The following TENT4B variants were observed in gnomAD, a reference collection of about 807,000 sequenced individuals.
TENT4B encodes the protein PAP associated domain containing 5.
Under a neutral mutation model 75.0 loss-of-function variants are expected in TENT4B, and 10 were observed. The observed-to-expected ratio is 0.13, with a 90% confidence interval of 0.08 to 0.23. The LOEUF is 0.23. Ranked by LOEUF, TENT4B falls within the 10% of genes least tolerant of loss-of-function variation. TENT4B has a pLI of 1.00. For missense variants in TENT4B, 579 were observed against 893.8 expected (o/e 0.65, Z 4.49); for synonymous variants, 350 against 357.7 (o/e 0.98, Z 0.24).
At chr16:50,170,847 A>G (rs2038193064) in intron 1 of TENT4B, among the ~76,000 whole-genome samples, 2 of 151,868 alleles carry the variant, frequency 1.3e-5, no homozygotes, top group South Asian at 4.2e-4. Flanking sequence ...TTGTATTTTT[A>G]GTAGAGATGG....
intron 7 of TENT4B, 62 bp from the exon 8 acceptor site, chr16:50,224,595 T>C: frequency 6.3e-7 from 1 of 1,597,132 alleles, no homozygotes; most frequent in Non-Finnish European, 8.5e-7. Context: ...AAGAGAGTCA[T>C]CAACATTTAG....
Position 50,183,954 on chromosome 16 carries a change from A to G in TENT4B, c.639-27369A>G, listed in dbSNP as rs537081381. Among the ~76,000 whole-genome samples, 4 of 152,292 alleles carry G rather than the reference A, an allele frequency of 2.6e-5. No homozygotes were observed. In the South Asian group the frequency reaches 8.3e-4, roughly 32 times the overall value. ...GGTGAATTATATCTTTTATGTTTTA[A>G]TGTATTCCTAGAGTTGTGCAACCAT... On this transcript the variant is annotated intron_variant, in intron 1 of 11. Transcript: ENST00000561678.
intron 1 of TENT4B, among the ~76,000 whole-genome samples, chr16:50,157,975 A>G (rs1376515931): frequency 2.0e-5 from 3 of 150,970 alleles, no homozygotes; most frequent in African/African-American, 7.3e-5. Flanking sequence ...CATGTTGCCC[A>G]TGAAGGTCTC....
intron 1 of TENT4B, among the ~76,000 whole-genome samples, chr16:50,171,579 AAGGCATATACG>A (rs943251646): frequency 4.3e-4 from 9 of 20,898 alleles, no homozygotes; most frequent in African/African-American, 5.7e-4. Flanking sequence ...TTTCTTGCCC[AAGGCATATACG>A]GTTGATATTT....
At chr16:50,197,846 A>G (rs1416923722) in intron 1 of TENT4B, among the ~76,000 whole-genome samples, 1 of 152,178 alleles carries the variant, frequency 6.6e-6, no homozygotes, top group African/African-American at 2.4e-5. Context: ...GCACAAGAGC[A>G]GGTTATAGTC....
At chr16:50,196,515 C>CATG (rs1240701384) in intron 1 of TENT4B, among the ~76,000 whole-genome samples, 1 of 151,956 alleles carries the variant, frequency 6.6e-6, no homozygotes, top group Non-Finnish European at 1.5e-5. Context: ...TCATCATCAT[C>CATG]ATCATCATCA....
At position 50,231,835 on chromosome 16, in the gene TENT4B, T is replaced by G; in HGVS notation, c.*2507T>G. 1.0e-6 allele frequency: 1 copy of G among 984,908 alleles called. No individual in the cohort carries two copies. The highest frequency in any genetic ancestry group is 1.7e-5 in the African/African-American group (1 of 57,358). The allele number at this position is 984,908 out of a possible 1,614,324, so 61.0% of individuals were successfully genotyped here. ...AAAATACTTTCAAGAACTTTTAGTTTGCCTGCTCATTTGTTTTATACATTT... is the reference window on the plus strand; with the variant it reads ...AAAATACTTTCAAGAACTTTTAGTTGGCCTGCTCATTTGTTTTATACATTT... On this transcript the variant is annotated 3_prime_UTR_variant, in exon 12 of 12. Coordinates refer to ENST00000561678, the MANE Select transcript of TENT4B (RefSeq NM_001365324.3).
chr16:50,153,001 C>T (rs2037787848), upstream of TENT4B: 5 of 1,516,284 alleles, frequency 3.3e-6, no homozygotes, highest in Non-Finnish European at 3.5e-6. Flanking sequence ...GCGGAGAAGC[C>T]GCGCGCGCCT....
At chr16:50,157,049 C>G (rs568356557) in intron 1 of TENT4B, among the ~76,000 whole-genome samples, 6 of 152,276 alleles carry the variant, frequency 3.9e-5, no homozygotes, top group African/African-American at 1.4e-4. Flanking sequence ...CGATGTTATG[C>G]TGTTCTGAGA....
chr16:50,215,217 A>G (rs976783436), intron 3 of TENT4B, among the ~76,000 whole-genome samples: 1 of 152,164 alleles, frequency 6.6e-6, no homozygotes, highest in African/African-American at 2.4e-5. Context: ...CATGGTTATT[A>G]TTATTATTAC....
At chr16:50,224,814 G>A (rs192872883) in intron 8 of TENT4B, 31 bp downstream of exon 8, 12 of 1,612,986 alleles carry the variant, frequency 7.4e-6, no homozygotes, top group Non-Finnish European at 9.3e-6. Context: ...AGCCCATTGT[G>A]TCAAAATTAG....
chr16:50,155,677 C>T (rs532892108), intron 1 of TENT4B, among the ~76,000 whole-genome samples: 5 of 152,266 alleles, frequency 3.3e-5, no homozygotes, highest in African/African-American at 1.2e-4. Context: ...AGGGTTGAGT[C>T]CTCTGTTGCT....
In TENT4B at chr16:50,153,538, G is replaced by A. The variant is rs1426163144; in HGVS notation, c.-84G>A. On this transcript the variant is annotated 5_prime_UTR_variant, in exon 1 of 12. Coordinates refer to ENST00000561678, the MANE Select transcript of TENT4B (RefSeq NM_001365324.3). ...AGCAGCGGCAGCAGCAGCAGCAGCCGAGGCCGGGCGTGCGCCTGAGGCGGC... is the reference window on the plus strand; with the variant it reads ...AGCAGCGGCAGCAGCAGCAGCAGCCAAGGCCGGGCGTGCGCCTGAGGCGGC... The A allele has an allele frequency of 3.0e-5, 29 of 978,850 alleles. No homozygotes were observed. The highest frequency in any genetic ancestry group is 3.0e-5 in the Non-Finnish European group (25 of 827,434). The allele number at this position is 978,850 out of a possible 1,614,324, so 60.6% of individuals were successfully genotyped here. A position where few individuals can be genotyped will look rare whatever the true frequency, so the allele number is the denominator to read the frequency against.
rs545897767 is a variant in TENT4B at position 50,234,175 on chromosome 16, C to G, written c.*4847C>G. The G allele has an allele frequency of 1.0e-6, 1 of 985,426 alleles. No homozygotes were observed. 61.0% of individuals were successfully genotyped at this position (985,426 alleles called of 1,614,324 possible). A position where few individuals can be genotyped will look rare whatever the true frequency, so the allele number is the denominator to read the frequency against. On this transcript the variant is annotated 3_prime_UTR_variant, in exon 12 of 12. Transcript: ENST00000561678. ...TATGAAGTAAACAAGTTGCTCAGGC[C>G]GGGCATGGTGGCTCACGCCTGTAAT... is the stretch of plus-strand genomic sequence containing the variant.
At position 50,183,372 on chromosome 16, in the gene TENT4B, G is replaced by A. The variant is rs529435369; in HGVS notation, c.639-27951G>A. ...TTCTTGTATTTTATCTTGCTGTAGC[G>A]GTTGTGGGATTTTTGCCTGGTGTGT... is the stretch of plus-strand genomic sequence containing the variant. On this transcript the variant is annotated intron_variant, in intron 1 of 11. Transcript: ENST00000561678. 8.6e-5 allele frequency among the ~76,000 whole-genome samples: 13 copies of A among 152,006 alleles called. No individual in the cohort carries two copies. The East Asian group carries it at 1.6e-3, about 18-fold the overall frequency.
chr16:50,203,042 A>G (rs1367449205), intron 1 of TENT4B, among the ~76,000 whole-genome samples: 2 of 152,202 alleles, frequency 1.3e-5, no homozygotes, highest in Non-Finnish European at 2.9e-5. Flanking sequence ...GTAATTTAGG[A>G]CACATAGACG....
chr16:50,214,050 G>GAA (rs1183928852), intron 2 of TENT4B, among the ~76,000 whole-genome samples, 171 bp from the exon 3 acceptor site: 1 of 152,118 alleles, frequency 6.6e-6, no homozygotes, highest in African/African-American at 2.4e-5. Flanking sequence ...GTCTGCTTGT[G>GAA]AAACAGAATC....
At chr16:50,216,054 G>C (rs748716228) in intron 3 of TENT4B, 21 bp from the exon 4 acceptor site, 1 of 1,613,666 alleles carries the variant, frequency 6.2e-7, no homozygotes, top group South Asian at 1.1e-5. Flanking sequence ...CGACCCTCTT[G>C]TATATGTATT....
At position 50,231,640 on chromosome 16, in the gene TENT4B, C is replaced by A; in HGVS notation, c.*2312C>A. The stretch of plus-strand genomic sequence containing the variant: ...TAAATTTATTGGGAAAATAGTTTTT[C>A]CTGTACTGCTGAAGTTTCTTTTTGG... On this transcript the variant is annotated 3_prime_UTR_variant, in exon 12 of 12. Transcript: ENST00000561678. The A allele has an allele frequency of 1.0e-6, 1 of 985,740 alleles. No individual in the cohort carries two copies. The highest frequency in any genetic ancestry group is 1.2e-6 in the Non-Finnish European group (1 of 829,890). The allele number at this position is 985,740 out of a possible 1,614,324, so 61.1% of individuals were successfully genotyped here.
Sources: allele counts gnomAD v4.1 joint callset (sites outside exome capture counted in the v4.1 genomes callset), GRCh38; gene constraint gnomAD v4.1.1; transcripts MANE v1.5; gene names NCBI Gene and HGNC (gene_info 2026-07-23, HGNC 2026-07-21).